Variants in TUBGCP2 observed in about 807,000 individuals in gnomAD.
TUBGCP2 encodes gamma-tubulin complex component 2.
Under a neutral mutation model 92.2 loss-of-function variants are expected in TUBGCP2, and 55 were observed. The observed-to-expected ratio is 0.60, with a 90% CI of 0.48 to 0.75. The LOEUF (loss-of-function observed/expected upper bound fraction) is 0.75, where lower values mean the gene tolerates loss of function less well. Among genes scored for constraint, TUBGCP2 ranks in the 30% least tolerant of loss-of-function variants. TUBGCP2 has a pLI of 0.00. For missense variants in TUBGCP2, 1,093 were observed against 1,188.9 expected (o/e 0.92, Z 1.19); for synonymous variants, 533 against 505.2 (o/e 1.06, Z -0.74).
chr10:133,297,313 G>A (rs1174834366), intron 5 of TUBGCP2: 4 of 369,496 alleles, frequency 1.1e-5, no homozygotes, highest in African/African-American at 6.6e-5. Flanking sequence ...CAGGAGAATC[G>A]CTTCAACCTG....
intron 8 of TUBGCP2, among the ~76,000 whole-genome samples, chr10:133,291,243 G>A (rs953056171): frequency 5.6e-5 from 6 of 106,738 alleles, no homozygotes; most frequent in Middle Eastern, 4.2e-3. Context: ...CGCGCCCTCC[G>A]TGTCCCCCAT....
chr10:133,284,798 C>G (rs1396053474), intron 13 of TUBGCP2, among the ~76,000 whole-genome samples: 1 of 152,258 alleles, frequency 6.6e-6, no homozygotes, highest in Non-Finnish European at 1.5e-5. Context: ...GCACACCGAC[C>G]TGGGCAGTCT....
At position 133,293,120 on chromosome 10, in the gene TUBGCP2, T is replaced by C. The variant is rs1232137605; in HGVS notation, c.943A>G (p.Arg315Gly). Residue 315 changes from arginine to glycine, a missense_variant, in exon 7 of 18, where the codon AGG becomes GGG. Transcript: ENST00000252936. ...ILVSQLEQLHRQGLLSLQKLW... is the reference protein window; with the variant it reads ...ILVSQLEQLHGQGLLSLQKLW... ...TTCTGCAGCGAAAGGAGGCCCTGCC[T>C]GTGCAGCTGCTCCAGCTGTGACACC... The C allele has an allele frequency of 1.9e-6, 3 of 1,613,898 alleles. No homozygotes were observed. The highest frequency in any genetic ancestry group is 2.2e-5 in the East Asian group (1 of 44,872).
intron 1 of TUBGCP2, among the ~76,000 whole-genome samples, chr10:133,303,850 G>A (rs1217324917): frequency 6.6e-6 from 1 of 152,236 alleles, no homozygotes; most frequent in African/African-American, 2.4e-5. Flanking sequence ...GGGCTCACCA[G>A]GAGACATATA....
At position 133,299,510 on chromosome 10, in the gene TUBGCP2, C is replaced by T. The variant is rs763152973; in HGVS notation, c.373G>A (p.Ala125Thr). The T allele has an allele frequency of 1.1e-5, 18 of 1,613,488 alleles. No individual in the cohort carries two copies. The highest frequency in any genetic ancestry group is 2.2e-5 in the South Asian group (2 of 91,078). Reference sequence around the variant, plus strand: ...TCCTGCATGGAGATCTTGGAGGCCGCGGCAGGGACGTTGATGCTGGTGGTA... The same window carrying T: ...TCCTGCATGGAGATCTTGGAGGCCGTGGCAGGGACGTTGATGCTGGTGGTA... ...SSTTSINVPA[A>T]ASKISMQELE... The change falls in exon 4 of 18, where the codon GCG (alanine) becomes ACG (threonine). Residue 125 changes from alanine (A) to threonine (T), a missense_variant. By Grantham distance (58) the Ala-to-Thr change is moderately conservative. This residue lies in a region of TUBGCP2 where 490 missense variants were observed against 488.5 expected (regional missense o/e 1.00). Transcript: ENST00000252936.
At chr10:133,310,958 C>G (rs1252739173), upstream of TUBGCP2, among the ~76,000 whole-genome samples, 1 of 152,116 alleles carries the variant, frequency 6.6e-6, no homozygotes, top group African/African-American at 2.4e-5. Context: ...CGCATCGCCG[C>G]ACTCGGCAAA....
At chr10:133,290,041 C>G in intron 8 of TUBGCP2, 72 bp from the exon 9 acceptor site, 1 of 1,584,020 alleles carries the variant, frequency 6.3e-7, no homozygotes, top group South Asian at 1.1e-5. Flanking sequence ...TTCTCCAGGC[C>G]GGCAGCGCGC....
intron 1 of TUBGCP2, among the ~76,000 whole-genome samples, chr10:133,303,660 T>A (rs984261379): frequency 6.6e-6 from 1 of 152,176 alleles, no homozygotes; most frequent in African/African-American, 2.4e-5. Flanking sequence ...GAGCCCGCGG[T>A]GCTCAGCCGC....
chr10:133,309,467 A>G, upstream of TUBGCP2: 1 of 1,611,684 alleles, frequency 6.2e-7, no homozygotes, highest in African/African-American at 1.3e-5. Flanking sequence ...AGCCCAGGTA[A>G]GCGAATGGGC....
Position 133,285,313 on chromosome 10 carries a change from G to A in TUBGCP2, c.1896-100C>T, listed in dbSNP as rs539501239. On this transcript the variant is annotated intron_variant, in intron 12 of 17. Coordinates refer to ENST00000252936, the MANE Select transcript of TUBGCP2 (RefSeq NM_006659.4). This position sits in a 1 kb window ranked among gnomAD's most constrained non-coding sequence, Gnocchi z 6.8. The stretch of plus-strand genomic sequence containing the variant: ...CAGTCCGCACCGTGGCCCCCGGACA[G>A]CCCGTGAATCTCTCGGACACTGAAG... The A allele has an allele frequency of 1.8e-5, 29 of 1,592,806 alleles. No homozygotes were observed. In the East Asian group the frequency reaches 6.6e-4, roughly 36 times the overall value.
chr10:133,311,632 T>C (rs1847989814), upstream of TUBGCP2: 5 of 1,211,572 alleles, frequency 4.1e-6, no homozygotes, highest in Non-Finnish European at 5.9e-6. Flanking sequence ...GGAAATCCAG[T>C]TTCTTTCTTG....
chr10:133,290,206 A>G (rs1847249390), intron 8 of TUBGCP2: 1 of 510,792 alleles, frequency 2.0e-6, no homozygotes, highest in Non-Finnish European at 3.5e-6. Context: ...GCTAAAACGA[A>G]CCTAGGGGCC....
At chr10:133,290,553 G>T (rs773719200) in intron 8 of TUBGCP2, 1 of 152,234 alleles carries the variant, frequency 6.6e-6, no homozygotes, top group African/African-American at 2.4e-5. Context: ...GCTCTGGAAC[G>T]GAGTATTTAA....
rs776943741 is a variant in TUBGCP2 at position 133,283,881 on chromosome 10, CG to C, written c.2145del (p.Ala716ProfsTer19). The C allele has an allele frequency of 3.7e-6, 6 of 1,613,594 alleles. No individual in the cohort carries two copies. In the South Asian group the frequency reaches 6.6e-5, roughly 18 times the overall value. ...TWHILEKNLK[S>X]ASNIDDVLGH... ...TTATTATCTGTGGAGCTAAAACTCACGGATTTCAGGTTTTTCTCCAGGATGT... is the reference window on the plus strand; with the variant it reads ...TTATTATCTGTGGAGCTAAAACTCACGATTTCAGGTTTTTCTCCAGGATGT... On this transcript the variant is annotated frameshift_variant and splice_region_variant, in exon 14 of 18. Transcript: ENST00000252936. LOFTEE classifies it high-confidence loss of function.
chr10:133,288,804 G>A, intron 10 of TUBGCP2, 36 bp downstream of exon 10: 12 of 1,552,190 alleles, frequency 7.7e-6, no homozygotes, highest in Non-Finnish European at 9.6e-6. Flanking sequence ...TTCAGAGGGA[G>A]GTGAGTGCCC....
rs1198763932 is a variant in TUBGCP2 at position 133,291,277 on chromosome 10, CT to C, written c.1214+1221del. Among the ~76,000 whole-genome samples, 363 of 72,754 alleles carry C rather than the reference CT, an allele frequency of 5.0e-3. 8 individuals carry two copies. Among genetic ancestry groups the C allele is most frequent in the African/African-American group, 0.044 (261 of 5,942 alleles). 47.7% of individuals were successfully genotyped at this position (72,754 alleles called of 152,430 possible). On this transcript the variant is annotated intron_variant, in intron 8 of 17. Coordinates refer to ENST00000252936, the MANE Select transcript of TUBGCP2 (RefSeq NM_006659.4). Reference sequence around the variant, plus strand: ...ATGTCCCTCCGTGTCCCCCATGTCCCTCCGTGTCCCTGTGTCCCGGGGAGCC... The same window carrying C: ...ATGTCCCTCCGTGTCCCCCATGTCCCCCGTGTCCCTGTGTCCCGGGGAGCC...
At chr10:133,294,010 C>G (rs1029970274) in intron 5 of TUBGCP2, among the ~76,000 whole-genome samples, 2 of 152,250 alleles carry the variant, frequency 1.3e-5, no homozygotes, top group Non-Finnish European at 2.9e-5. Flanking sequence ...CCACACTCGG[C>G]TCCGCAATGC....
chr10:133,296,970 G>T (rs1360174023), intron 5 of TUBGCP2, among the ~76,000 whole-genome samples: 1 of 152,206 alleles, frequency 6.6e-6, no homozygotes, highest in Non-Finnish European at 1.5e-5. Flanking sequence ...TGGCCCCTTG[G>T]TGCCCACATT....
Position 133,281,332 on chromosome 10 carries a change from G to A in TUBGCP2, c.2514C>T (p.Ala838=), listed in dbSNP as rs1437021463. The A allele has an allele frequency of 6.2e-7, 1 of 1,613,582 alleles. No individual in the cohort carries two copies. Among genetic ancestry groups the A allele is most frequent in the Admixed American group, 1.7e-5 (1 of 60,026 alleles). ...CACTGGTGCTATAGATGCTCAGCCG[G>A]GCCAGGAGGTCCAGCAGGTGGGCTG... The part of the protein sequence containing the change: ...NFSAHLLDLL[A]RLSIYSTSDC... Residue 838 remains alanine (A), a synonymous_variant, in exon 17 of 18, where the codon GCC becomes GCT. Transcript: ENST00000252936.
Sources: allele counts gnomAD v4.1 joint callset (sites outside exome capture counted in the v4.1 genomes callset), GRCh38; gene constraint gnomAD v4.1.1; regional missense constraint gnomAD v4.1.1; non-coding constraint Gnocchi (gnomAD v3.1); transcripts MANE v1.5; gene names NCBI Gene and HGNC (gene_info 2026-07-23, HGNC 2026-07-21).